Variants in HMSD observed in about 807,000 individuals in gnomAD.
HMSD encodes the protein histocompatibility minor serpin domain containing, also known as serpin-like protein HMSD.
In HMSD, 13 loss-of-function variants were observed where a neutral mutation model predicts 10.0. The observed-to-expected ratio is 1.31, with a 90% CI of 0.85 to 2.08. The LOEUF (loss-of-function observed/expected upper bound fraction) is 2.08, where lower values mean the gene tolerates loss of function less well. Ranked by LOEUF, HMSD falls within the 30% of genes most tolerant of loss-of-function variation. HMSD has a pLI of 0.00. For synonymous variants in HMSD, 51 were observed against 54.2 expected (o/e 0.94, Z 0.26); for missense variants, 169 against 166.3 (o/e 1.02, Z -0.09).
intron 3 of HMSD, among the ~76,000 whole-genome samples, chr18:63,957,519 C>T (rs1056941760): frequency 6.6e-6 from 1 of 151,938 alleles, no homozygotes; most frequent in Non-Finnish European, 1.5e-5. Context: ...AACTTGCTTT[C>T]GACTCTAAAT....
chr18:63,958,309 G>T lies in HMSD; in HGVS notation c.223-1849G>T, dbSNP rs376537257. 7.2e-5 allele frequency among the ~76,000 whole-genome samples: 11 copies of T among 152,118 alleles called. 1 individual carries two copies. Among genetic ancestry groups the T allele is most frequent in the Admixed American group, 6.5e-4 (10 of 15,268 alleles). ...AAACAGAGGAAGCAAATATTTGAAG[G>T]TCACACAACTAGTAAGTTGCAGAAC... On this transcript the variant is annotated intron_variant, in intron 3 of 3. Transcript: ENST00000408945.
rs1275020932 is a variant in HMSD, at chr18:63,954,566, T to C, written c.222+9T>C. The C allele has an allele frequency of 1.0e-5, 16 of 1,603,564 alleles. No individual in the cohort carries two copies. In the Admixed American group the frequency reaches 2.5e-4, roughly 26 times the overall value. ...CTTATGATTTCCTCACAGTAAGTCA[T>C]ACTTGTTTATTAGGAAAATAAAGAT... is the stretch of plus-strand genomic sequence containing the variant. On this transcript the variant is annotated intron_variant, in intron 3 of 3. Transcript: ENST00000408945.
chr18:63,965,240 A>G (rs182220640), downstream of HMSD, among the ~76,000 whole-genome samples: 1 of 152,358 alleles, frequency 6.6e-6, no homozygotes, highest in African/African-American at 2.4e-5. Context: ...ATGCTGAACC[A>G]GACAGGACAC....
At chr18:63,968,824 A>G (rs2050425386) in intron 3 of HMSD, 1 of 152,238 alleles carries the variant, frequency 6.6e-6, no homozygotes, top group African/African-American at 2.4e-5. Flanking sequence ...GTCTGTAGCC[A>G]CTAGAGAGAG....
chr18:63,967,723 A>G (rs1004578529), intron 3 of HMSD, among the ~76,000 whole-genome samples: 1 of 152,194 alleles, frequency 6.6e-6, no homozygotes, highest in African/African-American at 2.4e-5. Flanking sequence ...ATGTGAAGTT[A>G]GGTATGAGGC....
intron 3 of HMSD, 127 bp from the exon 4 acceptor site, chr18:63,960,031 C>A (rs1449616423): frequency 3.0e-6 from 3 of 1,015,966 alleles, no homozygotes; most frequent in Non-Finnish European, 4.3e-6. Context: ...AATTCCTCAT[C>A]TTTATTTGCA....
chr18:63,965,572 C>T (rs2050406189), downstream of HMSD, among the ~76,000 whole-genome samples: 1 of 152,124 alleles, frequency 6.6e-6, no homozygotes, highest in Non-Finnish European at 1.5e-5. Context: ...AAATACAATA[C>T]CAGGCATATT....
downstream of HMSD, among the ~76,000 whole-genome samples, chr18:63,964,603 A>G (rs2050402624): frequency 6.6e-6 from 1 of 152,222 alleles, no homozygotes. Flanking sequence ...TCAGAGTTTT[A>G]GAGGCTGGGA....
intron 3 of HMSD, 63 bp from the exon 4 acceptor site, chr18:63,960,095 G>C: frequency 7.0e-7 from 1 of 1,432,708 alleles, no homozygotes; most frequent in African/African-American, 1.4e-5. Context: ...GCACAATGAA[G>C]AAGTAAGCCA....
chr18:63,966,556 T>A (rs2050410586), downstream of HMSD: 1 of 152,190 alleles, frequency 6.6e-6, no homozygotes, highest in Admixed American at 6.5e-5. Flanking sequence ...GCACCACAGA[T>A]CACATACACG....
In HMSD at chr18:63,957,885, T is replaced by C. The variant is rs536806912; in HGVS notation, c.223-2273T>C. 1.3e-3 allele frequency among the ~76,000 whole-genome samples: 198 copies of C among 152,328 alleles called. 2 individuals carry two copies. The highest frequency in any genetic ancestry group is 4.6e-3 in the African/African-American group (191 of 41,586). The stretch of plus-strand genomic sequence containing the variant: ...CAAGAATCCCATACCAATAGCAATA[T>C]ATAATTACATGTTCTTTTTGTTTGA... On this transcript the variant is annotated intron_variant, in intron 3 of 3. Coordinates refer to ENST00000408945, the MANE Select transcript of HMSD (RefSeq NM_001123366.2).
At chr18:63,969,130 C>T (rs1227688545) in intron 3 of HMSD, among the ~76,000 whole-genome samples, 1 of 152,052 alleles carries the variant, frequency 6.6e-6, no homozygotes, top group Non-Finnish European at 1.5e-5. Context: ...TGCCAGGAAC[C>T]CCATGTATAT....
rs2050346519 is a variant in HMSD at position 63,954,381 on chromosome 18, G to A, written c.73-27G>A. The A allele has an allele frequency of 6.4e-6, 10 of 1,558,362 alleles. No individual in the cohort carries two copies. The East Asian group carries it at 2.0e-4, about 32-fold the overall frequency. ...TGAAGTCACAGAATACTGAGAATGTGTATGTTTATTATTATTTTATTTTCA... is the reference window on the plus strand; with the variant it reads ...TGAAGTCACAGAATACTGAGAATGTATATGTTTATTATTATTTTATTTTCA... On this transcript the variant is annotated intron_variant, in intron 2 of 3. Transcript: ENST00000408945.
intron 1 of HMSD, among the ~76,000 whole-genome samples, chr18:63,951,266 T>G (rs1456072269): frequency 1.3e-5 from 2 of 152,214 alleles, no homozygotes; most frequent in Non-Finnish European, 2.9e-5. Flanking sequence ...AAATAACGTA[T>G]TTGCTGTGTT....
At position 63,960,883 on chromosome 18, in the gene HMSD, C is replaced by T. The variant is rs950639942; in HGVS notation, c.*528C>T. 4.6e-5 allele frequency: 7 copies of T among 153,386 alleles called. No homozygotes were observed. Among genetic ancestry groups the T allele is most frequent in the African/African-American group, 1.7e-4 (7 of 41,432 alleles). 9.5% of individuals were successfully genotyped at this position (153,386 alleles called of 1,614,324 possible). On this transcript the variant is annotated 3_prime_UTR_variant, in exon 4 of 4. Transcript: ENST00000408945. ...ACTGAAGATTACAAGGAGACATCCA[C>T]ATTATATGTGGGCTGAGAGAGGAAA...
chr18:63,954,408 G>C lies in HMSD; in HGVS notation c.73G>C (p.Ala25Pro). The stretch of plus-strand genomic sequence containing the variant: ...ATGTTTATTATTATTTTATTTTCAG[G>C]CACTTTGTTTTAGTAAAATCGGAGG... ...KGNTAAQMSQ[A>P]LCFSKIGGED... Residue 25 changes from alanine to proline, a missense_variant and splice_region_variant, in exon 3 of 4, where the codon GCA (alanine) becomes CCA (proline). Physicochemically the swap from Ala to Pro is conservative, Grantham distance 27. Transcript: ENST00000408945. The C allele has an allele frequency of 1.2e-6, 2 of 1,607,260 alleles. No individual in the cohort carries two copies. Among genetic ancestry groups the C allele is most frequent in the Non-Finnish European group, 1.7e-6 (2 of 1,175,028 alleles).
In HMSD at chr18:63,960,283, T is replaced by C; in HGVS notation, c.348T>C (p.Asn116=). The C allele has an allele frequency of 6.2e-7, 1 of 1,611,780 alleles. No homozygotes were observed. The highest frequency in any genetic ancestry group is 8.5e-7 in the Non-Finnish European group (1 of 1,178,846). The stretch of plus-strand genomic sequence containing the variant: ...TTGCTGATAAAACTAAAGGTGAAAA[T>C]ATATTGTTATTCTATTTCGATAATA... ...SWVADKTKGE[N]ILLFYFDNIL... The change falls in exon 4 of 4, where the codon AAT becomes AAC. Residue 116 remains asparagine (N), a synonymous_variant. Transcript: ENST00000408945.
At chr18:63,964,725 T>C (rs111273405), downstream of HMSD, among the ~76,000 whole-genome samples, 261 of 152,250 alleles carry the variant, frequency 1.7e-3, no homozygotes, top group African/African-American at 5.7e-3. Context: ...AATTTATCTC[T>C]TCTTCTTTTA....
intron 3 of HMSD, among the ~76,000 whole-genome samples, chr18:63,957,046 G>A (rs2050362249): frequency 6.6e-6 from 1 of 152,142 alleles, no homozygotes; most frequent in South Asian, 2.1e-4. Flanking sequence ...CACAAGGAAA[G>A]GAATAACAGA....
Sources: gnomAD v4.1 joint callset for allele counts (sites outside exome capture counted in the v4.1 genomes callset) on GRCh38, gnomAD v4.1.1 for gene constraint, MANE v1.5 for transcripts, NCBI Gene and HGNC (gene_info 2026-07-23, HGNC 2026-07-21) for gene names.